The following CTNNA3 variants were observed in gnomAD, a reference collection of about 807,000 sequenced individuals.
The protein encoded by CTNNA3 is catenin alpha 3.
A neutral mutation model predicts 95.7 loss-of-function variants in CTNNA3; 76 were observed. That is an observed-to-expected ratio of 0.79 (90% CI 0.66 to 0.96). The LOEUF (loss-of-function observed/expected upper bound fraction) is 0.96, where lower values mean the gene tolerates loss of function less well. CTNNA3 is among the 40% of genes least tolerant of loss of function. The probability of loss-of-function intolerance (pLI) is 0.00; values close to 1 mark genes in which losing one functional copy is unlikely to be tolerated. For synonymous variants in CTNNA3, 431 were observed against 374.4 expected, an observed-to-expected ratio of 1.15 and a Z score of -1.74; for missense variants, 1,191 against 1,089.8, an observed-to-expected ratio of 1.09 and a Z score of -1.31.
intron 5 of CTNNA3, among the ~76,000 whole-genome samples, chr10:67,372,606 A>C (rs1286709759): frequency 6.6e-6 from 1 of 152,170 alleles, no homozygotes; most frequent in Admixed American, 6.5e-5. Flanking sequence ...CCAACATTCA[A>C]ATTCAGGATA....
At chr10:67,367,210 CTA>C (rs1416594608) in intron 5 of CTNNA3, among the ~76,000 whole-genome samples, 1 of 152,074 alleles carries the variant, frequency 6.6e-6, no homozygotes, top group Admixed American at 6.6e-5. Context: ...AATCCAGACT[CTA>C]TAAGGAACTT....
At chr10:67,014,055 A>G (rs957429463) in intron 7 of CTNNA3, among the ~76,000 whole-genome samples, 3 of 152,184 alleles carry the variant, frequency 2.0e-5, no homozygotes, top group Non-Finnish European at 4.4e-5. Flanking sequence ...AGTGTAAAAA[A>G]TAACCTTTTT....
chr10:67,106,906 G>A (rs931926169), intron 7 of CTNNA3, among the ~76,000 whole-genome samples: 1 of 151,984 alleles, frequency 6.6e-6, no homozygotes, highest in Non-Finnish European at 1.5e-5. Flanking sequence ...TGTGCCCAAG[G>A]GACTTACAGT....
intron 9 of CTNNA3, among the ~76,000 whole-genome samples, chr10:66,661,904 C>T (rs999382789): frequency 6.6e-6 from 1 of 152,074 alleles, no homozygotes; most frequent in Non-Finnish European, 1.5e-5. Flanking sequence ...GTCGAATCAA[C>T]GTATGGTGGA....
chr10:67,239,132 G>A (rs974430850), intron 5 of CTNNA3, among the ~76,000 whole-genome samples: 10 of 152,152 alleles, frequency 6.6e-5, no homozygotes, highest in African/African-American at 2.2e-4. Flanking sequence ...TAGTGAGGCC[G>A]TTGGTACGAC....
intron 7 of CTNNA3, among the ~76,000 whole-genome samples, chr10:66,873,973 C>G (rs1174767234): frequency 6.6e-6 from 1 of 152,052 alleles, no homozygotes; most frequent in Non-Finnish European, 1.5e-5. Flanking sequence ...AACATGTAAG[C>G]ATTTTGAGCA....
At chr10:66,979,504 C>T (rs1850288035) in intron 7 of CTNNA3, among the ~76,000 whole-genome samples, 1 of 152,018 alleles carries the variant, frequency 6.6e-6, no homozygotes, top group Non-Finnish European at 1.5e-5. Context: ...AAAATTTCGG[C>T]CCAGGGTGCA....
At chr10:66,110,408 T>G (rs1287706559) in intron 13 of CTNNA3, among the ~76,000 whole-genome samples, 3 of 150,426 alleles carry the variant, frequency 2.0e-5, no homozygotes, top group African/African-American at 7.4e-5. Context: ...CTAAGAGATA[T>G]CTGCACTTCC....
intron 4 of CTNNA3, among the ~76,000 whole-genome samples, chr10:67,537,657 T>C (rs1840527783): frequency 6.6e-6 from 1 of 152,116 alleles, no homozygotes; most frequent in Admixed American, 6.6e-5. Flanking sequence ...AATTTTCACC[T>C]TACAAAAGCC....
rs574588619 is a variant in CTNNA3 at position 66,062,051 on chromosome 10, G to C, written c.2159+7257C>G. On this transcript the variant is annotated intron_variant, in intron 15 of 17. Coordinates refer to ENST00000433211, the MANE Select transcript of CTNNA3 (RefSeq NM_013266.4). ...CCAACCTCCATTCAAAATTAACTTT[G>C]CTTGTGTGTCCTTGGGCAATTTATC... Among the ~76,000 whole-genome samples the C allele has an allele frequency of 1.5e-4, 23 of 152,126 alleles. No homozygotes were observed. The East Asian group carries it at 4.1e-3, about 27-fold the overall frequency.
At chr10:67,728,692 AT>A (rs1307082404) in intron 1 of CTNNA3, among the ~76,000 whole-genome samples, 1 of 151,992 alleles carries the variant, frequency 6.6e-6, no homozygotes, top group South Asian at 2.1e-4. Context: ...TATGTAATTA[AT>A]TTTTCATTGT....
intron 9 of CTNNA3, among the ~76,000 whole-genome samples, chr10:66,712,910 C>T (rs992684317): frequency 2.0e-5 from 3 of 152,096 alleles, no homozygotes; most frequent in African/African-American, 7.2e-5. Flanking sequence ...ATTCATATGC[C>T]TATACTTATT....
chr10:66,307,098 G>T (rs10762053), intron 12 of CTNNA3, among the ~76,000 whole-genome samples: 40,215 of 152,018 alleles, frequency 0.26, 5,625 homozygotes, highest in African/African-American at 0.33. Context: ...CCAGTTTATA[G>T]ATGAAGACAC....
At chr10:66,410,758 A>G (rs955843608) in intron 11 of CTNNA3, among the ~76,000 whole-genome samples, 3 of 152,124 alleles carry the variant, frequency 2.0e-5, no homozygotes, top group Non-Finnish European at 4.4e-5. Context: ...TCCCATTACC[A>G]GACACAAGGC....
intron 10 of CTNNA3, among the ~76,000 whole-genome samples, chr10:66,527,406 A>G (rs541223297): frequency 1.3e-5 from 2 of 152,264 alleles, no homozygotes; most frequent in East Asian, 1.9e-4. Flanking sequence ...TTGAGATTCC[A>G]TATGAAATTG....
Position 66,787,180 on chromosome 10 carries a change from C to T in CTNNA3, c.1048-11656G>A, listed in dbSNP as rs35210348. Among the ~76,000 whole-genome samples the T allele has an allele frequency of 0.014, 2,056 of 152,174 alleles. 87 individuals carry two copies. In the East Asian group the frequency reaches 0.16, roughly 12 times the overall value. ...CCTAGATGTGTGAACTTAAGCAAAT[C>T]ACACAGTTTCTGTGGGTCTCAGTTT... is the stretch of plus-strand genomic sequence containing the variant. On this transcript the variant is annotated intron_variant, in intron 7 of 17. Transcript: ENST00000433211.
chr10:66,301,684 A>C (rs1345150615), intron 12 of CTNNA3, among the ~76,000 whole-genome samples: 1 of 151,922 alleles, frequency 6.6e-6, no homozygotes, highest in African/African-American at 2.4e-5. Context: ...CATAGTAAGA[A>C]CTCTCAGCAA....
chr10:67,514,520 T>C (rs1327517226), intron 5 of CTNNA3, among the ~76,000 whole-genome samples: 1 of 150,958 alleles, frequency 6.6e-6, no homozygotes, highest in Non-Finnish European at 1.5e-5. Flanking sequence ...AACTTGTCTA[T>C]TTTTTTTTAT....
intron 9 of CTNNA3, among the ~76,000 whole-genome samples, chr10:66,762,030 A>G (rs1266675128): frequency 5.3e-5 from 8 of 152,190 alleles, no homozygotes; most frequent in Non-Finnish European, 1.2e-4. Context: ...GTTTTCCTTC[A>G]TTCAATGTGG....
Sources: allele counts gnomAD v4.1 joint callset (sites outside exome capture counted in the v4.1 genomes callset), GRCh38; gene constraint gnomAD v4.1.1; transcripts MANE v1.5; gene names NCBI Gene and HGNC (gene_info 2026-07-23, HGNC 2026-07-21).